GLMN: variants seen among roughly 807,000 people sequenced by gnomAD.
GLMN encodes the protein glomulin, FKBP associated protein, also known as glomulin.
A neutral mutation model predicts 87.8 loss-of-function variants in GLMN; 75 were observed. The ratio of observed to expected loss-of-function variants is 0.85; its 90% CI spans 0.71 to 1.04. The LOEUF is 1.04. GLMN is among the 50% of genes least tolerant of loss of function. GLMN has a pLI of 0.00. For synonymous variants in GLMN, 206 were observed against 221.6 expected, an observed-to-expected ratio of 0.93 and a Z score of 0.63; for missense variants, 588 against 658.8, an observed-to-expected ratio of 0.89 and a Z score of 1.18.
At chr1:92,292,703 G>GT (rs769699343) in intron 3 of GLMN, among the ~76,000 whole-genome samples, 26 of 146,008 alleles carry the variant, frequency 1.8e-4, no homozygotes, top group Admixed American at 3.4e-4. Flanking sequence ...GATTACAGGC[G>GT]TGAGCCACCG....
At chr1:92,308,429 GCCCAGTACTT>G in the GLMN span, among the ~76,000 whole-genome samples, 15 of 152,232 alleles carry the variant, frequency 9.9e-5, no homozygotes, top group South Asian at 3.1e-3. Flanking sequence ...CACTAGAGCT[GCCCAGTACTT>G]CCCCAGTCCT....
rs376960198 is a variant in GLMN at position 92,247,095 on chromosome 1, C to A, written c.1635G>T (p.Glu545Asp). 6.3e-7 allele frequency: 1 copy of A among 1,578,110 alleles called. No individual in the cohort carries two copies. Among genetic ancestry groups the A allele is most frequent in the Non-Finnish European group, 8.7e-7 (1 of 1,148,134 alleles). The change falls in exon 18 of 19, where the codon GAG becomes GAT. Residue 545 changes from glutamate (E) to aspartate (D), a missense_variant. Physicochemically the swap from Glu to Asp is conservative, Grantham distance 45. Transcript: ENST00000370360. Reference sequence around the variant, plus strand: ...GCATTTCAGGAGGCATATTAGGGATCTCTTCTCCACTTACAGTTATAGAAC... The same window carrying A: ...GCATTTCAGGAGGCATATTAGGGATATCTTCTCCACTTACAGTTATAGAAC... The part of the protein sequence containing the change: ...DLCSITVSGE[E>D]IPNMPPEMQL...
intron 16 of GLMN, among the ~76,000 whole-genome samples, chr1:92,250,271 GTT>G (rs1326888237): frequency 6.7e-6 from 1 of 150,134 alleles, no homozygotes; most frequent in Non-Finnish European, 1.5e-5. Context: ...AAACTTGAAT[GTT>G]TTGCATTCCT....
At chr1:92,351,075 G>A in the GLMN span, among the ~76,000 whole-genome samples, 753 of 152,112 alleles carry the variant, frequency 5.0e-3, no homozygotes, top group African/African-American at 0.017. Flanking sequence ...TTGGGAAGCC[G>A]AGACAGGTGG....
At chr1:92,345,409 A>T in the GLMN span, among the ~76,000 whole-genome samples, 15 of 121,426 alleles carry the variant, frequency 1.2e-4, no homozygotes, top group South Asian at 3.1e-4. Flanking sequence ...AAAGAGAGAG[A>T]GAGAAGAAAG....
In GLMN at chr1:92,298,037, T is replaced by C. The variant is rs1196255513; in HGVS notation, c.-30-8A>G. 1 of 1,200,318 alleles carries C rather than the reference T, an allele frequency of 8.3e-7. No individual in the cohort carries two copies. The highest frequency in any genetic ancestry group is 2.1e-4 in the Middle Eastern group (1 of 4,814). The allele number at this position is 1,200,318 out of a possible 1,614,324, so 74.4% of individuals were successfully genotyped here. ...TAGTTTCGATGCTAAAATCTACAAA[T>C]ACAAAACACACTGTTAACTATCCGT... On this transcript the variant is annotated splice_polypyrimidine_tract_variant and splice_region_variant and intron_variant, in intron 1 of 18. Transcript: ENST00000370360.
chr1:92,260,340 G>T (rs1654865730), intron 16 of GLMN, among the ~76,000 whole-genome samples: 1 of 152,120 alleles, frequency 6.6e-6, no homozygotes, highest in Non-Finnish European at 1.5e-5. Context: ...TGTTGGCTGG[G>T]TGTGGTGGCA....
intron 3 of GLMN, among the ~76,000 whole-genome samples, chr1:92,295,438 A>G (rs1649935414): frequency 6.6e-6 from 1 of 151,742 alleles, no homozygotes; most frequent in Non-Finnish European, 1.5e-5. Context: ...TCAAAACCTT[A>G]TTTTCCAATT....
chr1:92,337,664 C>G, the GLMN span, among the ~76,000 whole-genome samples: 1 of 152,018 alleles, frequency 6.6e-6, no homozygotes, highest in South Asian at 2.1e-4. Context: ...TCAGTTTTCT[C>G]TAAGTTTTAT....
At chr1:92,347,569 TTAAG>T in the GLMN span, among the ~76,000 whole-genome samples, 3 of 152,198 alleles carry the variant, frequency 2.0e-5, no homozygotes, top group African/African-American at 7.2e-5. Flanking sequence ...TGTTTTTGGA[TTAAG>T]TTTTTGCCAC....
the GLMN span, among the ~76,000 whole-genome samples, chr1:92,335,773 A>G: frequency 6.6e-6 from 1 of 152,218 alleles, no homozygotes; most frequent in African/African-American, 2.4e-5. Flanking sequence ...TATCTAACCA[A>G]TCACCTATTG....
At chr1:92,320,279 C>T in the GLMN span, among the ~76,000 whole-genome samples, 3 of 151,002 alleles carry the variant, frequency 2.0e-5, no homozygotes, top group Non-Finnish European at 4.4e-5. Context: ...TAATTTTTTT[C>T]TTTTTTTTTC....
intron 2 of GLMN, 122 bp from the exon 3 acceptor site, chr1:92,297,651 T>C (rs1570995405): frequency 1.1e-5 from 10 of 896,944 alleles, no homozygotes; most frequent in East Asian, 2.6e-5. Context: ...TCTAGATAAA[T>C]GTAACGTAAA....
intron 7 of GLMN, among the ~76,000 whole-genome samples, chr1:92,281,619 A>G (rs1648061187): frequency 6.6e-6 from 1 of 152,172 alleles, no homozygotes; most frequent in Non-Finnish European, 1.5e-5. Flanking sequence ...AAACATAACA[A>G]TATTAACTTT....
At chr1:92,257,312 GCC>G (rs1270526176) in intron 16 of GLMN, among the ~76,000 whole-genome samples, 2 of 152,056 alleles carry the variant, frequency 1.3e-5, no homozygotes, top group Non-Finnish European at 2.9e-5. Context: ...TGTGAAAATG[GCC>G]ATACCGCCCA....
At chr1:92,259,078 C>T (rs1208657211) in intron 16 of GLMN, among the ~76,000 whole-genome samples, 1 of 152,076 alleles carries the variant, frequency 6.6e-6, no homozygotes, top group Admixed American at 6.6e-5. Context: ...CATTGTTTCC[C>T]TTGTCCCAGC....
chr1:92,287,242 A>G (rs1158406224), intron 6 of GLMN, among the ~76,000 whole-genome samples: 1 of 152,160 alleles, frequency 6.6e-6, no homozygotes, highest in African/African-American at 2.4e-5. Context: ...ACACAGCTCT[A>G]TTTGTTTTAT....
At chr1:92,352,065 A>G in the GLMN span, among the ~76,000 whole-genome samples, 1 of 152,230 alleles carries the variant, frequency 6.6e-6, no homozygotes, top group Non-Finnish European at 1.5e-5. Context: ...ACATGGATAC[A>G]TGCTATTCCT....
At chr1:92,305,432 CA>C in the GLMN span, among the ~76,000 whole-genome samples, 101 of 52,694 alleles carry the variant, frequency 1.9e-3, 4 homozygotes, top group African/African-American at 9.0e-3. Flanking sequence ...GGCTCCGTCT[CA>C]AAAAAAAAAA....
Sources: allele counts gnomAD v4.1 joint callset (sites outside exome capture counted in the v4.1 genomes callset), GRCh38; gene constraint gnomAD v4.1.1; transcripts MANE v1.5; gene names NCBI Gene and HGNC (gene_info 2026-07-23, HGNC 2026-07-21).